Variants in RMDN2 observed in about 807,000 individuals in gnomAD.
The protein encoded by RMDN2 is regulator of microtubule dynamics protein 2.
A neutral mutation model predicts 52.8 loss-of-function variants in RMDN2; 61 were observed. The observed-to-expected ratio is 1.16, with a 90% CI of 0.94 to 1.43. RMDN2 has a LOEUF of 1.43. RMDN2 is among the 40% of genes most tolerant of loss of function. RMDN2 has a pLI of 0.00. For missense variants in RMDN2, 592 were observed against 475.3 expected, an observed-to-expected ratio of 1.25 and a Z score of -2.28; for synonymous variants, 180 against 153.1, an observed-to-expected ratio of 1.18 and a Z score of -1.30.
chr2:37,968,477 T>A (rs1302953307), intron 2 of RMDN2, among the ~76,000 whole-genome samples: 1 of 151,596 alleles, frequency 6.6e-6, no homozygotes, highest in Non-Finnish European at 1.5e-5. Flanking sequence ...TCTGTTGTTG[T>A]TTACTTGATG....
At chr2:38,061,609 C>G (rs1022939540) in intron 10 of RMDN2, among the ~76,000 whole-genome samples, 1 of 151,706 alleles carries the variant, frequency 6.6e-6, no homozygotes, top group Admixed American at 6.6e-5. Flanking sequence ...ACTACTCATT[C>G]TAAACAGTGC....
At chr2:37,951,475 A>G (rs1225792902) in intron 2 of RMDN2, 1 of 1,612,190 alleles carries the variant, frequency 6.2e-7, no homozygotes, top group Non-Finnish European at 8.5e-7. Flanking sequence ...CAAAAAAGAA[A>G]TGCTTCCCCT....
At chr2:37,927,640 G>C (rs1460433047) in intron 1 of RMDN2, among the ~76,000 whole-genome samples, 3 of 152,202 alleles carry the variant, frequency 2.0e-5, no homozygotes, top group Non-Finnish European at 4.4e-5. Context: ...TCCTTTAATA[G>C]ACCTCTATAT....
intron 10 of RMDN2, chr2:38,030,301 T>C (rs1404248974): frequency 6.6e-6 from 1 of 152,254 alleles, no homozygotes; most frequent in African/African-American, 2.4e-5. Context: ...AGGTTAATCA[T>C]TGTATCATTT....
chr2:37,984,843 T>G (rs878909135), intron 5 of RMDN2, among the ~76,000 whole-genome samples: 1 of 122,542 alleles, frequency 8.2e-6, no homozygotes, highest in Admixed American at 8.7e-5. Context: ...CCTGAGTATT[T>G]GAGAAAAAAA....
chr2:37,951,624 T>C (rs766563880), intron 2 of RMDN2: 26 of 1,613,434 alleles, frequency 1.6e-5, no homozygotes, highest in Non-Finnish European at 2.2e-5. Flanking sequence ...TATAGTTTCC[T>C]ATTACAAGAG....
chr2:37,997,673 A>G (rs1256609670), intron 8 of RMDN2, 159 bp downstream of exon 8: 10 of 599,878 alleles, frequency 1.7e-5, no homozygotes, highest in Admixed American at 1.2e-4. Context: ...CAAGTTATTA[A>G]TATGTTTTAA....
intron 4 of RMDN2, among the ~76,000 whole-genome samples, chr2:37,976,639 C>G (rs1009292706): frequency 6.6e-6 from 1 of 152,132 alleles, no homozygotes; most frequent in African/African-American, 2.4e-5. Context: ...TCATCATCAG[C>G]TTTGTGGAGT....
chr2:38,012,575 A>G (rs1215340845), intron 10 of RMDN2: 3 of 467,552 alleles, frequency 6.4e-6, no homozygotes, highest in African/African-American at 4.0e-5. Flanking sequence ...ATGAGCAAAT[A>G]TTTCTCACAT....
chr2:37,944,121 A>C (rs1157264556), intron 2 of RMDN2, among the ~76,000 whole-genome samples: 1 of 152,134 alleles, frequency 6.6e-6, no homozygotes, highest in Non-Finnish European at 1.5e-5. Flanking sequence ...CCAAGCCGAA[A>C]ACTTGGACCT....
intron 10 of RMDN2, among the ~76,000 whole-genome samples, chr2:38,042,086 G>T (rs192818045): frequency 1.3e-5 from 2 of 152,210 alleles, no homozygotes; most frequent in East Asian, 3.9e-4. Context: ...GTTGCTATCT[G>T]CTTTGGAAGG....
In RMDN2 at chr2:37,974,065, G is replaced by C; in HGVS notation, c.478G>C (p.Glu160Gln). The change falls in exon 3 of 11, where the codon GAA (glutamate) becomes CAA (glutamine). Residue 160 changes from glutamate (E) to glutamine (Q), a missense_variant. Transcript: ENST00000354545. ...GTATATTACAGCTAATACTGACACA[G>C]AAGAACAGAGTTTTCCAGTCCCTAA... is the stretch of plus-strand genomic sequence containing the variant. Reference protein sequence around the residue: ...GGYITANTDTEEQSFPVPKAF... With the variant: ...GGYITANTDTQEQSFPVPKAF... The C allele has an allele frequency of 6.2e-7, 1 of 1,610,690 alleles. No homozygotes were observed.
intron 5 of RMDN2, among the ~76,000 whole-genome samples, chr2:37,984,720 A>G (rs983976909): frequency 3.3e-5 from 5 of 152,338 alleles, no homozygotes; most frequent in African/African-American, 9.6e-5. Flanking sequence ...TATATTCACT[A>G]TCAATGCAAA....
intron 2 of RMDN2, chr2:37,950,673 T>A: frequency 7.1e-7 from 1 of 1,398,932 alleles, no homozygotes; most frequent in South Asian, 1.2e-5. Flanking sequence ...AGTGCTCTCC[T>A]TTGTTTCCCA....
chr2:37,964,956 C>G (rs1670837424), intron 2 of RMDN2, among the ~76,000 whole-genome samples: 1 of 152,046 alleles, frequency 6.6e-6, no homozygotes, highest in Admixed American at 6.5e-5. Flanking sequence ...GTTATATCTT[C>G]TTGGTAATTG....
At chr2:37,992,101 C>A (rs1167787179) in intron 7 of RMDN2, among the ~76,000 whole-genome samples, 2 of 152,168 alleles carry the variant, frequency 1.3e-5, no homozygotes, top group Admixed American at 6.5e-5. Flanking sequence ...TTTCTTGCTG[C>A]ATTTCATCCT....
intron 10 of RMDN2, among the ~76,000 whole-genome samples, chr2:38,040,316 C>A (rs1021468101): frequency 6.6e-6 from 1 of 152,032 alleles, no homozygotes; most frequent in Non-Finnish European, 1.5e-5. Flanking sequence ...TGGCATCCTC[C>A]TAAAATTCAC....
At chr2:38,005,478 C>G (rs865844832) in intron 10 of RMDN2, among the ~76,000 whole-genome samples, 2 of 152,030 alleles carry the variant, frequency 1.3e-5, no homozygotes, top group South Asian at 2.1e-4. Context: ...TTTCATGTGT[C>G]TTTTGTCTGC....
chr2:37,960,576 G>A (rs1181004060), intron 2 of RMDN2, among the ~76,000 whole-genome samples: 2 of 152,062 alleles, frequency 1.3e-5, no homozygotes, highest in East Asian at 1.9e-4. Context: ...GCACACCAAT[G>A]GGTCTTGACT....
Sources: allele counts gnomAD v4.1 joint callset (sites outside exome capture counted in the v4.1 genomes callset), GRCh38; gene constraint gnomAD v4.1.1; transcripts MANE v1.5; gene names NCBI Gene and HGNC (gene_info 2026-07-23, HGNC 2026-07-21).